CREBBP: variants seen among roughly 807,000 people sequenced by gnomAD.
CREBBP encodes CREB binding lysine acetyltransferase, also known as CREB-binding protein.
A neutral mutation model predicts 265.0 loss-of-function variants in CREBBP; 19 were observed. The ratio of observed to expected loss-of-function variants is 0.07; its 90% CI spans 0.05 to 0.11. The LOEUF (loss-of-function observed/expected upper bound fraction) is 0.11. Ranked by LOEUF, CREBBP falls within the 10% of genes least tolerant of loss-of-function variation. The pLI is 1.00. For missense variants in CREBBP, 2,525 were observed against 3,219.0 expected (o/e 0.78, Z 5.22); for synonymous variants, 1,457 against 1,223.7 (o/e 1.19, Z -3.98).
At chr16:3,855,303 GCC>G (rs777041633) in intron 1 of CREBBP, among the ~76,000 whole-genome samples, 15 of 152,246 alleles carry the variant, frequency 9.9e-5, no homozygotes, top group Non-Finnish European at 1.2e-4. Flanking sequence ...TTGCTCTGTT[GCC>G]CACGCTAGAT....
intron 11 of CREBBP, among the ~76,000 whole-genome samples, chr16:3,775,850 C>T (rs2053125080): frequency 6.6e-6 from 1 of 152,186 alleles, no homozygotes. Flanking sequence ...GGCTGAAGTC[C>T]TGGACCAATC....
At chr16:3,792,873 G>C (rs1168490664) in intron 4 of CREBBP, among the ~76,000 whole-genome samples, 1 of 152,246 alleles carries the variant, frequency 6.6e-6, no homozygotes, top group Non-Finnish European at 1.5e-5. Context: ...ATGATACAGT[G>C]CATAGTTCCC....
Position 3,851,419 on chromosome 16 carries a change from A to AAGG in CREBBP, c.86-413_86-411dup, listed in dbSNP as rs761625644. On this transcript the variant is annotated intron_variant, in intron 1 of 30. Coordinates refer to ENST00000262367, the MANE Select transcript of CREBBP (RefSeq NM_004380.3). The stretch of plus-strand genomic sequence containing the variant: ...GACAGAAAAGTTAAACAGAGATGAG[A>AAGG]AGGACAGCCCTACTATATTTATCAT... 3.9e-5 allele frequency among the ~76,000 whole-genome samples: 6 copies of AAGG among 152,220 alleles called. No homozygotes were observed. In the Middle Eastern group the frequency reaches 0.014, roughly 345 times the overall value.
intron 1 of CREBBP, among the ~76,000 whole-genome samples, chr16:3,869,576 T>C (rs1368364649): frequency 6.6e-6 from 1 of 152,222 alleles, no homozygotes; most frequent in Non-Finnish European, 1.5e-5. Context: ...ACTAACTACA[T>C]GTGGCTATCT....
chr16:3,830,023 A>G (rs2054311603), intron 2 of CREBBP, among the ~76,000 whole-genome samples: 1 of 152,158 alleles, frequency 6.6e-6, no homozygotes, highest in South Asian at 2.1e-4. Flanking sequence ...TAAACACTAC[A>G]ATTAAAAGAC....
At chr16:3,765,216 T>A (rs1332955534) in intron 16 of CREBBP, among the ~76,000 whole-genome samples, 1 of 152,230 alleles carries the variant, frequency 6.6e-6, no homozygotes, top group African/African-American at 2.4e-5. Flanking sequence ...GACCTCGTGA[T>A]CTGCCTGCCT....
chr16:3,753,042 C>T (rs1291683524), intron 19 of CREBBP, among the ~76,000 whole-genome samples: 1 of 152,156 alleles, frequency 6.6e-6, no homozygotes, highest in African/African-American at 2.4e-5. Flanking sequence ...TGTCAGGTAG[C>T]GACGGCAGCA....
chr16:3,780,418 C>T (rs898047674), intron 8 of CREBBP, among the ~76,000 whole-genome samples: 4 of 152,158 alleles, frequency 2.6e-5, no homozygotes, highest in East Asian at 1.9e-4. Context: ...AGCCCCCTCA[C>T]GCAGCCTAAA....
At chr16:3,835,738 C>A (rs987048826) in intron 2 of CREBBP, among the ~76,000 whole-genome samples, 1 of 151,836 alleles carries the variant, frequency 6.6e-6, no homozygotes, top group South Asian at 2.1e-4. Flanking sequence ...TGGCACCACA[C>A]CTGGCTGATT....
chr16:3,870,613 T>C (rs924800098), intron 1 of CREBBP, among the ~76,000 whole-genome samples: 3 of 152,172 alleles, frequency 2.0e-5, no homozygotes, highest in African/African-American at 7.2e-5. Flanking sequence ...TTCGTTTTCT[T>C]ACAAACTGGT....
At chr16:3,848,822 G>C (rs2054722642) in intron 2 of CREBBP, among the ~76,000 whole-genome samples, 1 of 152,134 alleles carries the variant, frequency 6.6e-6, no homozygotes, top group African/African-American at 2.4e-5. Context: ...CACTCATACA[G>C]ACTCTTCTTA....
rs2054638489 is a variant in CREBBP, at chr16:3,845,081, T to C, written c.798+5216A>G. 2.0e-5 allele frequency among the ~76,000 whole-genome samples: 3 copies of C among 152,294 alleles called. No individual in the cohort carries two copies. In the South Asian group the frequency reaches 6.2e-4, roughly 32 times the overall value. On this transcript the variant is annotated intron_variant, in intron 2 of 30. Coordinates refer to ENST00000262367, the MANE Select transcript of CREBBP (RefSeq NM_004380.3). ...TCCCAAAGATTTTTTGTTTTTAAAA[T>C]TTGAAAAAAAGTCCTAAATTTATCT...
chr16:3,815,672 A>T (rs993289039), intron 2 of CREBBP, among the ~76,000 whole-genome samples: 1 of 147,162 alleles, frequency 6.8e-6, no homozygotes, highest in African/African-American at 2.5e-5. Flanking sequence ...TAATTTTGGG[A>T]GGTACATAGT....
In CREBBP at chr16:3,784,127, C is replaced by A. The variant is rs1052698545; in HGVS notation, c.1331-1201G>T. On this transcript the variant is annotated intron_variant, in intron 5 of 30. Transcript: ENST00000262367. Reference sequence around the variant, plus strand: ...TTGCTATAACACACCATTTTTGATACATAAAACACGACCACAAAGCCTTTC... The same window carrying A: ...TTGCTATAACACACCATTTTTGATAAATAAAACACGACCACAAAGCCTTTC... Among the ~76,000 whole-genome samples the A allele has an allele frequency of 2.0e-5, 3 of 152,140 alleles. No individual in the cohort carries two copies. The East Asian group carries it at 5.8e-4, about 29-fold the overall frequency.
At chr16:3,848,877 T>A (rs1169009582) in intron 2 of CREBBP, among the ~76,000 whole-genome samples, 8 of 152,194 alleles carry the variant, frequency 5.3e-5, no homozygotes, top group African/African-American at 1.9e-4. Context: ...TCCTCTCTAC[T>A]AACATTTCAA....
intron 1 of CREBBP, among the ~76,000 whole-genome samples, chr16:3,855,495 C>T (rs2141520990): frequency 6.6e-6 from 1 of 152,304 alleles, no homozygotes; most frequent in East Asian, 1.9e-4. Context: ...GAACTTCTGA[C>T]CTCAGGTGAT....
Position 3,782,696 on chromosome 16 carries a change from G to T in CREBBP, c.1561C>A (p.Leu521Ile). The change falls in exon 6 of 31, where the codon CTC becomes ATC. Residue 521 changes from leucine to isoleucine, a missense_variant. Leu to Ile is a conservative substitution (Grantham distance 5, BLOSUM62 2). Coordinates refer to ENST00000262367, the MANE Select transcript of CREBBP (RefSeq NM_004380.3). ...QPQTHQQMRT[L>I]NPLGNNPMNI... ...TTCCTTCACCTACCCAGGGGGTTGA[G>T]AGTCCTCATCTGCTGGTGGGTTTGA... 1.2e-6 allele frequency: 2 copies of T among 1,614,126 alleles called. No homozygotes were observed. Among genetic ancestry groups the T allele is most frequent in the Non-Finnish European group, 1.7e-6 (2 of 1,180,004 alleles).
intron 2 of CREBBP, among the ~76,000 whole-genome samples, chr16:3,826,062 A>T (rs2054230780): frequency 6.6e-6 from 1 of 152,182 alleles, no homozygotes; most frequent in Non-Finnish European, 1.5e-5. Context: ...TCTCTACAAA[A>T]AACAGCCGGG....
intron 2 of CREBBP, among the ~76,000 whole-genome samples, chr16:3,819,505 T>C (rs1443452113): frequency 6.6e-6 from 1 of 152,164 alleles, no homozygotes; most frequent in Non-Finnish European, 1.5e-5. Context: ...ACAGAGAACG[T>C]GTAATGGTGG....
Sources: allele counts gnomAD v4.1 joint callset (sites outside exome capture counted in the v4.1 genomes callset), GRCh38; gene constraint gnomAD v4.1.1; transcripts MANE v1.5; gene names NCBI Gene and HGNC (gene_info 2026-07-23, HGNC 2026-07-21).